The following EXOC6B variants were observed in gnomAD, a reference collection of about 807,000 sequenced individuals.
The protein encoded by EXOC6B is SEC15 homolog B.
Under a neutral mutation model 113.5 loss-of-function variants are expected in EXOC6B, and 54 were observed. The ratio of observed to expected loss-of-function variants is 0.48; its 90% CI spans 0.38 to 0.60. The LOEUF (loss-of-function observed/expected upper bound fraction) is 0.60, where lower values mean the gene tolerates loss of function less well. EXOC6B is among the 20% of genes least tolerant of loss of function. The pLI is 0.00. For missense variants in EXOC6B, 797 were observed against 977.5 expected (o/e 0.82, Z 2.46); for synonymous variants, 357 against 339.0 (o/e 1.05, Z -0.58).
At chr2:72,318,341 G>A (rs1687648082) in intron 20 of EXOC6B, among the ~76,000 whole-genome samples, 1 of 151,944 alleles carries the variant, frequency 6.6e-6, no homozygotes, top group Non-Finnish European at 1.5e-5. Context: ...AACTCATACA[G>A]TGCTTTCACG....
chr2:72,622,630 A>G (rs1263793707), intron 6 of EXOC6B, among the ~76,000 whole-genome samples: 2 of 152,116 alleles, frequency 1.3e-5, no homozygotes, highest in Admixed American at 1.3e-4. Flanking sequence ...GGATCACTTG[A>G]GCCCAGGAGG....
intron 6 of EXOC6B, among the ~76,000 whole-genome samples, chr2:72,715,279 A>G (rs889869579): frequency 9.2e-5 from 14 of 152,004 alleles, no homozygotes; most frequent in African/African-American, 3.1e-4. Context: ...TCAGGCAAAA[A>G]GCAAAAAGCA....
chr2:72,496,431 A>G, intron 14 of EXOC6B, 23 bp downstream of exon 14: 1 of 1,453,716 alleles, frequency 6.9e-7, no homozygotes, highest in African/African-American at 1.4e-5. Context: ...AACCAGAGAA[A>G]TTTATTTTAA....
At chr2:72,197,618 G>C (rs1475939650) in intron 20 of EXOC6B, among the ~76,000 whole-genome samples, 2 of 152,038 alleles carry the variant, frequency 1.3e-5, no homozygotes, top group Admixed American at 6.6e-5. Context: ...GAAGATCTGA[G>C]ACAATGAGGA....
intron 6 of EXOC6B, among the ~76,000 whole-genome samples, chr2:72,630,695 A>T (rs1672333039): frequency 6.6e-6 from 1 of 152,208 alleles, no homozygotes; most frequent in Non-Finnish European, 1.5e-5. Context: ...CATTTTTAAA[A>T]ACAATAATTC....
intron 19 of EXOC6B, among the ~76,000 whole-genome samples, chr2:72,341,013 G>T (rs1297416716): frequency 6.6e-6 from 1 of 152,180 alleles, no homozygotes; most frequent in African/African-American, 2.4e-5. Context: ...AAAAGGAGGA[G>T]GAGGTGGAGG....
chr2:72,754,616 CTTTTTTTT>C lies in EXOC6B; in HGVS notation c.114-13155_114-13148del, dbSNP rs780607610. On this transcript the variant is annotated intron_variant, in intron 1 of 21. Transcript: ENST00000272427. ...CATTTTTTTAATAGCTTTTTTTTTT[CTTTTTTTT>C]TTTTTAGAGACAGTATCTCACTCTG... Among the ~76,000 whole-genome samples the C allele has an allele frequency of 5.9e-5, 8 of 135,290 alleles. No homozygotes were observed. The South Asian group carries it at 1.9e-3, about 32-fold the overall frequency. 88.8% of individuals were successfully genotyped at this position (135,290 alleles called of 152,430 possible).
At chr2:72,551,828 T>C (rs1339454725) in intron 8 of EXOC6B, among the ~76,000 whole-genome samples, 1 of 152,216 alleles carries the variant, frequency 6.6e-6, no homozygotes. Context: ...AAAACTAGCA[T>C]ACACACAGTG....
At chr2:72,385,804 A>G (rs931058695) in intron 18 of EXOC6B, among the ~76,000 whole-genome samples, 1 of 152,148 alleles carries the variant, frequency 6.6e-6, no homozygotes, top group Non-Finnish European at 1.5e-5. Context: ...TTAAAACCAC[A>G]ATGAGATACC....
chr2:72,271,038 G>C lies in EXOC6B; in HGVS notation c.2196+63909C>G, dbSNP rs564669138. ...TCAAGTACATAATTGCTTGAGTAATGCTCCCTCCAGATCTTTCTCTCAGTC... is the reference window on the plus strand; with the variant it reads ...TCAAGTACATAATTGCTTGAGTAATCCTCCCTCCAGATCTTTCTCTCAGTC... On this transcript the variant is annotated intron_variant, in intron 20 of 21. Transcript: ENST00000272427. 4.6e-5 allele frequency among the ~76,000 whole-genome samples: 7 copies of C among 152,260 alleles called. No homozygotes were observed. The East Asian group carries it at 1.2e-3, about 25-fold the overall frequency.
intron 2 of EXOC6B, among the ~76,000 whole-genome samples, chr2:72,738,129 G>C (rs756734876): frequency 1.5e-4 from 23 of 152,214 alleles, no homozygotes; most frequent in African/African-American, 5.1e-4. Flanking sequence ...ACAAGAAAAG[G>C]GTTGGGAAGC....
chr2:72,435,661 G>T (rs1370420154), intron 18 of EXOC6B, among the ~76,000 whole-genome samples: 1 of 151,370 alleles, frequency 6.6e-6, no homozygotes, highest in Non-Finnish European at 1.5e-5. Context: ...TGTCTTTTTT[G>T]ATCTTTGTTG....
At chr2:72,469,340 A>G (rs908325374) in intron 17 of EXOC6B, among the ~76,000 whole-genome samples, 1 of 151,906 alleles carries the variant, frequency 6.6e-6, no homozygotes, top group African/African-American at 2.4e-5. Flanking sequence ...ATTATTGCTC[A>G]CTTTAGATTT....
intron 19 of EXOC6B, among the ~76,000 whole-genome samples, chr2:72,375,362 T>A (rs1691291824): frequency 6.6e-6 from 1 of 152,172 alleles, no homozygotes; most frequent in African/African-American, 2.4e-5. Context: ...AGAAAACACA[T>A]TCTTTCTAAG....
chr2:72,800,866 C>G (rs1290515252), intron 1 of EXOC6B, among the ~76,000 whole-genome samples: 1 of 152,130 alleles, frequency 6.6e-6, no homozygotes, highest in Non-Finnish European at 1.5e-5. Flanking sequence ...ATGATGTACA[C>G]TCTATCAACG....
chr2:72,184,311 TAAG>T, intron 20 of EXOC6B, 124 bp from the exon 21 acceptor site: 1 of 560,600 alleles, frequency 1.8e-6, no homozygotes, highest in Non-Finnish European at 3.2e-6. Context: ...TAAAATATAA[TAAG>T]AAAAAGAACA....
rs763856826 is a variant in EXOC6B at position 72,559,526 on chromosome 2, A to G, written c.847-5T>C. The G allele has an allele frequency of 8.1e-6, 13 of 1,610,932 alleles. No individual in the cohort carries two copies. The highest frequency in any genetic ancestry group is 1.7e-4 in the Middle Eastern group (1 of 6,040). On this transcript the variant is annotated splice_region_variant and splice_polypyrimidine_tract_variant and intron_variant, in intron 7 of 21. Coordinates refer to ENST00000272427, the MANE Select transcript of EXOC6B (RefSeq NM_015189.3). ...CAAATCTTGGGCCCCAGGTACCTGC[A>G]AACACAAGATTATAACAAAAAAATT... is the stretch of plus-strand genomic sequence containing the variant.
At chr2:72,407,028 G>A (rs1389030239) in intron 18 of EXOC6B, among the ~76,000 whole-genome samples, 3 of 152,044 alleles carry the variant, frequency 2.0e-5, no homozygotes, top group Non-Finnish European at 4.4e-5. Flanking sequence ...AATGATAAAG[G>A]GGATATCACC....
intron 19 of EXOC6B, among the ~76,000 whole-genome samples, chr2:72,355,461 T>C (rs1401936156): frequency 6.6e-6 from 1 of 152,216 alleles, no homozygotes; most frequent in Non-Finnish European, 1.5e-5. Context: ...AATATTTCTC[T>C]GATTCCATTA....
Sources: allele counts gnomAD v4.1 joint callset (sites outside exome capture counted in the v4.1 genomes callset), GRCh38; gene constraint gnomAD v4.1.1; transcripts MANE v1.5; gene names NCBI Gene and HGNC (gene_info 2026-07-23, HGNC 2026-07-21).